The following PPFIA1 variants were observed in gnomAD, a reference collection of about 807,000 sequenced individuals.
PPFIA1 encodes liprin-alpha-1.
In PPFIA1, 25 loss-of-function variants were observed where a neutral mutation model predicts 149.9. The ratio of observed to expected loss-of-function variants is 0.17; its 90% CI spans 0.12 to 0.23. PPFIA1 has a LOEUF of 0.23. PPFIA1 is among the 10% of genes least tolerant of loss of function. PPFIA1 has a pLI of 1.00. For missense variants in PPFIA1, 1,362 were observed against 1,506.5 expected, an observed-to-expected ratio of 0.90 and a Z score of 1.59; for synonymous variants, 549 against 552.8, an observed-to-expected ratio of 0.99 and a Z score of 0.10.
intron 2 of PPFIA1, among the ~76,000 whole-genome samples, chr11:70,311,484 G>A (rs1011645025): frequency 3.3e-5 from 5 of 152,140 alleles, no homozygotes; most frequent in Admixed American, 2.6e-4. Flanking sequence ...TAACAGTTGA[G>A]ATATTAAGTA....
chr11:70,293,707 G>A (rs182129495), intron 2 of PPFIA1, among the ~76,000 whole-genome samples: 56 of 152,240 alleles, frequency 3.7e-4, no homozygotes, highest in African/African-American at 1.3e-3. Context: ...AAGCTTTCTG[G>A]AAGAAGCCAG....
At chr11:70,297,070 G>T (rs1238872505) in intron 2 of PPFIA1, among the ~76,000 whole-genome samples, 7 of 152,146 alleles carry the variant, frequency 4.6e-5, no homozygotes, top group Admixed American at 4.6e-4. Flanking sequence ...GGCAAAGAAT[G>T]CTTTTCCCTG....
chr11:70,281,988 G>A (rs554968015), intron 2 of PPFIA1, among the ~76,000 whole-genome samples: 1 of 152,082 alleles, frequency 6.6e-6, no homozygotes, highest in East Asian at 1.9e-4. Flanking sequence ...ACTTGATAGG[G>A]AGCATACAGA....
intron 2 of PPFIA1, among the ~76,000 whole-genome samples, chr11:70,284,403 A>G (rs564746399): frequency 6.6e-6 from 1 of 152,212 alleles, no homozygotes; most frequent in African/African-American, 2.4e-5. Flanking sequence ...CTGTTCCTAC[A>G]CCTTTAATTG....
rs776510315 is a variant in PPFIA1 at position 70,338,397 on chromosome 11, A to G, written c.1515A>G (p.Glu505=). The G allele has an allele frequency of 2.5e-6, 4 of 1,613,206 alleles. No individual in the cohort carries two copies. The African/African-American group carries it at 5.3e-5, about 22-fold the overall frequency. Residue 505 remains glutamate, a synonymous_variant, in exon 13 of 28, where the codon GAA becomes GAG. Coordinates refer to ENST00000253925, the MANE Select transcript of PPFIA1 (RefSeq NM_003626.5). ...HDKDQLVLNI[E]ALRAELDHMR... The stretch of plus-strand genomic sequence containing the variant: ...AGGATCAGCTTGTCCTAAACATTGA[A>G]GCACTGAGGGCTGAACTAGACCACA...
At chr11:70,309,643 AAAG>A (rs1278202909) in intron 2 of PPFIA1, among the ~76,000 whole-genome samples, 1 of 152,204 alleles carries the variant, frequency 6.6e-6, no homozygotes, top group African/African-American at 2.4e-5. Flanking sequence ...TAAAAAAAAA[AAAG>A]TTTTCCAAAA....
In PPFIA1 at chr11:70,384,015, ATTTG is replaced by A. The variant is rs2057796362; in HGVS notation, c.*1031_*1034del. ...TTTCTTATGTAAATCATCTTTTTAC[ATTTG>A]TTTGTAAACATGTTTAAAGAACGAA... is the stretch of plus-strand genomic sequence containing the variant. On this transcript the variant is annotated 3_prime_UTR_variant, in exon 28 of 28. Coordinates refer to ENST00000253925, the MANE Select transcript of PPFIA1 (RefSeq NM_003626.5). The A allele has an allele frequency of 6.6e-6, 1 of 152,258 alleles. No individual in the cohort carries two copies. Among genetic ancestry groups the A allele is most frequent in the Admixed American group, 6.5e-5 (1 of 15,290 alleles). 9.4% of individuals were successfully genotyped at this position (152,258 alleles called of 1,614,324 possible). A position where few individuals can be genotyped will look rare whatever the true frequency, so the allele number is the denominator to read the frequency against.
chr11:70,340,071 G>A (rs1313685151), intron 14 of PPFIA1, among the ~76,000 whole-genome samples: 1 of 151,992 alleles, frequency 6.6e-6, no homozygotes, highest in Non-Finnish European at 1.5e-5. Flanking sequence ...AGTGCTTTGG[G>A]AGGATCGCTT....
Position 70,331,979 on chromosome 11 carries a change from A to G in PPFIA1, c.1097A>G (p.Gln366Arg). The G allele has an allele frequency of 6.2e-7, 1 of 1,611,036 alleles. No individual in the cohort carries two copies. Among genetic ancestry groups the G allele is most frequent in the Non-Finnish European group, 8.5e-7 (1 of 1,179,158 alleles). ...MHRQTEDKNR[Q>R]LQERLELAEQ... is the part of the protein sequence containing the mutation. ...TTATAGACTGAAGATAAAAACCGCC[A>G]GTTACAGGAGCGCTTGGAATTGGCA... Residue 366 changes from glutamine to arginine, a missense_variant, in exon 9 of 28, where the codon CAG (glutamine) becomes CGG (arginine). Coordinates refer to ENST00000253925, the MANE Select transcript of PPFIA1 (RefSeq NM_003626.5).
At chr11:70,286,278 G>A (rs2051115482) in intron 2 of PPFIA1, among the ~76,000 whole-genome samples, 1 of 152,162 alleles carries the variant, frequency 6.6e-6, no homozygotes, top group Non-Finnish European at 1.5e-5. Context: ...TTGAGATGGA[G>A]TCTCGTCCTG....
At chr11:70,297,497 TGTCCACA>T (rs1196243460) in intron 2 of PPFIA1, among the ~76,000 whole-genome samples, 3 of 152,230 alleles carry the variant, frequency 2.0e-5, no homozygotes, top group Non-Finnish European at 4.4e-5. Flanking sequence ...GTACTCAGTG[TGTCCACA>T]GTGGGTGTAT....
chr11:70,271,578 G>T (rs1175411670), intron 1 of PPFIA1, among the ~76,000 whole-genome samples: 1 of 152,010 alleles, frequency 6.6e-6, no homozygotes, highest in African/African-American at 2.4e-5. Context: ...GCAGCCATTG[G>T]AAAACACTTC....
chr11:70,322,899 C>T (rs932703352), intron 2 of PPFIA1, among the ~76,000 whole-genome samples: 9 of 152,166 alleles, frequency 5.9e-5, no homozygotes, highest in Non-Finnish European at 8.8e-5. Flanking sequence ...TCCACAGTCA[C>T]CCTGCTGCTG....
intron 2 of PPFIA1, chr11:70,284,093 T>A: frequency 1.6e-5 from 8 of 485,690 alleles, no homozygotes; most frequent in South Asian, 1.3e-4. Context: ...TGTTGAGTGC[T>A]GCAAACAAGG....
At chr11:70,379,936 A>G (rs1251586778) in intron 26 of PPFIA1, among the ~76,000 whole-genome samples, 2 of 152,218 alleles carry the variant, frequency 1.3e-5, no homozygotes, top group East Asian at 3.8e-4. Context: ...AGAGTCATGC[A>G]TATAATTCTT....
At chr11:70,342,500 C>G (rs2055396693) in intron 14 of PPFIA1, among the ~76,000 whole-genome samples, 1 of 152,216 alleles carries the variant, frequency 6.6e-6, no homozygotes. Context: ...CACGGCCACT[C>G]AGCACTGAGC....
chr11:70,298,852 A>G (rs933292728), intron 2 of PPFIA1, among the ~76,000 whole-genome samples: 1 of 152,232 alleles, frequency 6.6e-6, no homozygotes, highest in African/African-American at 2.4e-5. Context: ...AGTTACAGTC[A>G]CTTTTTAAAC....
chr11:70,344,782 CACAA>C (rs1286728745), intron 15 of PPFIA1, among the ~76,000 whole-genome samples: 2 of 152,212 alleles, frequency 1.3e-5, no homozygotes, highest in Non-Finnish European at 2.9e-5. Flanking sequence ...TCCCAGAGGA[CACAA>C]ACAGTCGACA....
At chr11:70,363,303 T>C (rs2056756271) in intron 21 of PPFIA1, 1 of 152,264 alleles carries the variant, frequency 6.6e-6, no homozygotes, top group African/African-American at 2.4e-5. Context: ...CCTGGTGCCA[T>C]AGACTGCTCT....
Sources: gnomAD v4.1 joint callset for allele counts (sites outside exome capture counted in the v4.1 genomes callset) on GRCh38, gnomAD v4.1.1 for gene constraint, MANE v1.5 for transcripts, NCBI Gene and HGNC (gene_info 2026-07-23, HGNC 2026-07-21) for gene names.